Variants in ADAMTS17 observed in about 807,000 individuals in gnomAD.
ADAMTS17 encodes A disintegrin and metalloproteinase with thrombospondin motifs 17.
ADAMTS17 carries 113 observed loss-of-function variants against 141.5 expected under a neutral mutation model. That is an observed-to-expected ratio of 0.80 (90% confidence interval 0.69 to 0.93). The LOEUF is 0.93. ADAMTS17 is among the 40% of genes least tolerant of loss of function. The probability of loss-of-function intolerance (pLI) is 0.00; values close to 1 mark genes in which losing one functional copy is unlikely to be tolerated. For synonymous variants in ADAMTS17, 768 were observed against 630.6 expected (o/e 1.22, Z -3.27); for missense variants, 1,659 against 1,517.9 (o/e 1.09, Z -1.54).
Position 99,974,105 on chromosome 15 carries a change from C to T in ADAMTS17, c.*297G>A. On this transcript the variant is annotated 3_prime_UTR_variant, in exon 22 of 22. Coordinates refer to ENST00000268070, the MANE Select transcript of ADAMTS17 (RefSeq NM_139057.4). ...AAGACAAGAACACTAAATGATGTCT[C>T]TCTCTTGACGGTTGTCTGCCAGAGG... 2.1e-6 allele frequency: 1 copy of T among 480,792 alleles called. No homozygotes were observed. The highest frequency in any genetic ancestry group is 2.1e-5 in the South Asian group (1 of 48,016). 29.8% of individuals were successfully genotyped at this position (480,792 alleles called of 1,614,324 possible).
At chr15:100,181,064 A>T (rs1261529427) in intron 8 of ADAMTS17, among the ~76,000 whole-genome samples, 1 of 152,218 alleles carries the variant, frequency 6.6e-6, no homozygotes, top group Non-Finnish European at 1.5e-5. Context: ...CCTCTTTCAC[A>T]GGCAGAGGAG....
chr15:100,298,448 A>AGAGG (rs2044903748), intron 3 of ADAMTS17, among the ~76,000 whole-genome samples: 1 of 152,158 alleles, frequency 6.6e-6, no homozygotes, highest in African/African-American at 2.4e-5. Flanking sequence ...GTGCTCTCCC[A>AGAGG]GAGGGAGGGA....
chr15:100,163,247 G>A (rs2039811912), intron 8 of ADAMTS17, among the ~76,000 whole-genome samples: 1 of 152,046 alleles, frequency 6.6e-6, no homozygotes, highest in African/African-American at 2.4e-5. Context: ...GATAAAGAGA[G>A]ACAGAGAGAA....
chr15:100,316,551 C>T (rs942445706), intron 3 of ADAMTS17, among the ~76,000 whole-genome samples: 5 of 152,188 alleles, frequency 3.3e-5, no homozygotes, highest in Admixed American at 6.5e-5. Context: ...TTTTCCTCTG[C>T]CCTGTCTCTC....
At chr15:100,208,917 C>T (rs748620014) in intron 7 of ADAMTS17, among the ~76,000 whole-genome samples, 2 of 152,114 alleles carry the variant, frequency 1.3e-5, no homozygotes, top group Non-Finnish European at 2.9e-5. Flanking sequence ...CAGGCTTTAC[C>T]TGTATCACTC....
chr15:100,209,524 T>G (rs1017238994), intron 7 of ADAMTS17, among the ~76,000 whole-genome samples: 11 of 152,162 alleles, frequency 7.2e-5, no homozygotes, highest in African/African-American at 2.4e-4. Context: ...AGCCCTCCCT[T>G]CTGATGGCCC....
chr15:100,243,294 T>C (rs920129959), intron 7 of ADAMTS17, among the ~76,000 whole-genome samples: 2 of 152,236 alleles, frequency 1.3e-5, no homozygotes, highest in Non-Finnish European at 2.9e-5. Flanking sequence ...TGAAGATGGA[T>C]GTACAAATAT....
At position 100,029,886 on chromosome 15, in the gene ADAMTS17, CT is replaced by C. The variant is rs1596264090; in HGVS notation, c.2591+18970del. On this transcript the variant is annotated intron_variant, in intron 18 of 21. Transcript: ENST00000268070. ...CAGCATCATGAGTGCTATCAGAGCCCTAGCTAGAAATGTAAGTTTCCAGGTC... is the reference window on the plus strand; with the variant it reads ...CAGCATCATGAGTGCTATCAGAGCCCAGCTAGAAATGTAAGTTTCCAGGTC... Among the ~76,000 whole-genome samples the C allele has an allele frequency of 6.6e-5, 10 of 152,320 alleles. 1 individual carries two copies. The highest frequency in any genetic ancestry group is 4.6e-4 in the Admixed American group (7 of 15,304).
chr15:100,080,107 C>A (rs1344721026), intron 15 of ADAMTS17, among the ~76,000 whole-genome samples: 5 of 150,060 alleles, frequency 3.3e-5, no homozygotes, highest in Admixed American at 3.3e-4. Context: ...TGAAACTGAA[C>A]TGACACCACT....
intron 3 of ADAMTS17, among the ~76,000 whole-genome samples, chr15:100,317,002 T>C (rs530217964): frequency 3.9e-5 from 6 of 152,200 alleles, no homozygotes; most frequent in Non-Finnish European, 5.9e-5. Flanking sequence ...CGGGGAATAA[T>C]AACAGCAATC....
intron 15 of ADAMTS17, among the ~76,000 whole-genome samples, chr15:100,069,940 C>T (rs2033846879): frequency 6.7e-6 from 1 of 150,234 alleles, no homozygotes; most frequent in South Asian, 2.1e-4. Flanking sequence ...TTAAAAGACA[C>T]AGACTAGCAA....
In ADAMTS17 at chr15:100,341,355, G is replaced by T; in HGVS notation, c.134C>A (p.Pro45His). Residue 45 changes from proline (P) to histidine (H), a missense_variant, in exon 2 of 22, where the codon CCC becomes CAC. Physicochemically the swap from Pro to His is moderately conservative, Grantham distance 77. Coordinates refer to ENST00000268070, the MANE Select transcript of ADAMTS17 (RefSeq NM_139057.4). ...VEVVLPWRVR[P>H]DDVHLPPLPA... ...CAGCGGCGGCAGGTGCACGTCGTCG[G>T]GGCGCACCCGCCACGGGAGCACCAC... 1 of 1,018,510 alleles carries T rather than the reference G, an allele frequency of 9.8e-7. No individual in the cohort carries two copies. Among genetic ancestry groups the T allele is most frequent in the South Asian group, 4.5e-5 (1 of 22,460 alleles). The allele number at this position is 1,018,510 out of a possible 1,614,324, so 63.1% of individuals were successfully genotyped here. A position where few individuals can be genotyped will look rare whatever the true frequency, so the allele number is the denominator to read the frequency against.
At chr15:100,138,519 T>G (rs2038453446) in intron 10 of ADAMTS17, among the ~76,000 whole-genome samples, 1 of 152,182 alleles carries the variant, frequency 6.6e-6, no homozygotes, top group Admixed American at 6.5e-5. Context: ...ATCAATGGAT[T>G]TTGACAGCCC....
chr15:100,073,049 T>A (rs949901889), intron 15 of ADAMTS17, among the ~76,000 whole-genome samples: 2 of 151,986 alleles, frequency 1.3e-5, no homozygotes, highest in African/African-American at 4.8e-5. Flanking sequence ...GAATCTACAA[T>A]GAACTCAAAT....
intron 10 of ADAMTS17, among the ~76,000 whole-genome samples, chr15:100,142,828 C>T (rs539593169): frequency 6.6e-6 from 1 of 152,324 alleles, no homozygotes; most frequent in Admixed American, 6.5e-5. Context: ...ATGCCTATAA[C>T]CAGTCTAGAT....
At chr15:100,250,707 A>G (rs1312672018) in intron 7 of ADAMTS17, among the ~76,000 whole-genome samples, 1 of 152,220 alleles carries the variant, frequency 6.6e-6, no homozygotes, top group African/African-American at 2.4e-5. Context: ...GAGTGCATGC[A>G]GAAACCAGTG....
At chr15:100,059,644 T>C (rs2032958517) in intron 15 of ADAMTS17, among the ~76,000 whole-genome samples, 1 of 152,180 alleles carries the variant, frequency 6.6e-6, no homozygotes, top group African/African-American at 2.4e-5. Flanking sequence ...AGTGAATAAA[T>C]AGGTTCATTG....
intron 3 of ADAMTS17, among the ~76,000 whole-genome samples, chr15:100,285,976 G>A (rs937395728): frequency 1.3e-5 from 2 of 152,134 alleles, no homozygotes; most frequent in Admixed American, 6.5e-5. Context: ...GCCCCAGCAT[G>A]GTCACACCAG....
At chr15:100,054,166 G>C in intron 15 of ADAMTS17, 112 bp from the exon 16 acceptor site, 1 of 1,217,440 alleles carries the variant, frequency 8.2e-7, no homozygotes, top group Admixed American at 1.7e-5. Flanking sequence ...CCCTTCCACA[G>C]GGGGAAGGAG....
Sources: allele counts gnomAD v4.1 joint callset (sites outside exome capture counted in the v4.1 genomes callset), GRCh38; gene constraint gnomAD v4.1.1; transcripts MANE v1.5; gene names NCBI Gene and HGNC (gene_info 2026-07-23, HGNC 2026-07-21).